Variants in ELSPBP1 observed in about 807,000 individuals in gnomAD.
ELSPBP1 encodes the protein epididymal sperm binding protein 1.
A neutral mutation model predicts 33.3 loss-of-function variants in ELSPBP1; 38 were observed. That is an observed-to-expected ratio of 1.14 (90% CI 0.88 to 1.50). ELSPBP1 has a LOEUF of 1.50. Ranked by LOEUF, ELSPBP1 falls within the 40% of genes most tolerant of loss-of-function variation. ELSPBP1 has a pLI of 0.00. For missense variants in ELSPBP1, 267 were observed against 263.5 expected (o/e 1.01, Z -0.09); for synonymous variants, 85 against 94.1 (o/e 0.90, Z 0.56).
intron 1 of ELSPBP1, among the ~76,000 whole-genome samples, chr19:48,008,067 T>C (rs894396427): frequency 6.6e-6 from 1 of 152,168 alleles, no homozygotes; most frequent in African/African-American, 2.4e-5. Flanking sequence ...GTGAGCATCA[T>C]AGAGTGTACT....
chr19:48,010,206 G>A (rs1225344606), intron 2 of ELSPBP1, among the ~76,000 whole-genome samples: 1 of 152,112 alleles, frequency 6.6e-6, no homozygotes, highest in Non-Finnish European at 1.5e-5. Context: ...GAGAAGTTCT[G>A]GGTTCTCAAA....
chr19:48,020,206 C>A (rs1967184984), intron 5 of ELSPBP1, among the ~76,000 whole-genome samples: 1 of 152,036 alleles, frequency 6.6e-6, no homozygotes, highest in African/African-American at 2.4e-5. Flanking sequence ...AATCCCAGAA[C>A]TTTGGGAGGC....
chr19:48,022,119 C>G, intron 5 of ELSPBP1, 51 bp from the exon 6 acceptor site: 1 of 1,553,242 alleles, frequency 6.4e-7, no homozygotes, highest in Non-Finnish European at 8.7e-7. Context: ...GCCTCTACGA[C>G]AGTGTGAAGC....
intron 2 of ELSPBP1, among the ~76,000 whole-genome samples, chr19:48,010,689 A>G (rs1216715767): frequency 1.3e-5 from 2 of 151,782 alleles, no homozygotes; most frequent in Admixed American, 1.3e-4. Context: ...CATTCAGGAC[A>G]GGGTGAAGGG....
intron 2 of ELSPBP1, among the ~76,000 whole-genome samples, chr19:48,009,156 C>A (rs1440047312): frequency 2.1e-5 from 3 of 141,056 alleles, no homozygotes; most frequent in Non-Finnish European, 3.1e-5. Context: ...AAAAAAAAAT[C>A]TCAGAAGACC....
intron 5 of ELSPBP1, 63 bp from the exon 6 acceptor site, chr19:48,022,107 A>G: frequency 2.7e-6 from 4 of 1,490,208 alleles, no homozygotes; most frequent in Non-Finnish European, 3.6e-6. Context: ...CCTGAAGCCC[A>G]CGCCTCTACG....
intron 2 of ELSPBP1, 53 bp from the exon 3 acceptor site, chr19:48,014,118 T>G: frequency 6.3e-7 from 1 of 1,591,738 alleles, no homozygotes; most frequent in Non-Finnish European, 8.6e-7. Context: ...ACTCATCCTT[T>G]GCTAATTCAT....
In ELSPBP1 at chr19:48,003,160, G is replaced by T. The variant is rs117921380; in HGVS notation, c.-17-5491G>T. Among the ~76,000 whole-genome samples the T allele has an allele frequency of 4.7e-3, 715 of 152,270 alleles. 3 individuals carry two copies. Among genetic ancestry groups the T allele is most frequent in the Non-Finnish European group, 8.0e-3 (545 of 68,024 alleles). On this transcript the variant is annotated intron_variant, in intron 1 of 6. Transcript: ENST00000339841. ...GTTCCAGACGAGACATGGGTGTCTGGCTATTAGGGCTTGTTTTACAGTTGA... is the reference window on the plus strand; with the variant it reads ...GTTCCAGACGAGACATGGGTGTCTGTCTATTAGGGCTTGTTTTACAGTTGA...
At chr19:48,015,317 G>A (rs1025676455) in intron 3 of ELSPBP1, among the ~76,000 whole-genome samples, 9 of 152,012 alleles carry the variant, frequency 5.9e-5, no homozygotes, top group Non-Finnish European at 1.2e-4. Flanking sequence ...GAGGTGGAAG[G>A]GGAGGCAGGA....
chr19:48,017,852 ACAT>A (rs1568407913), intron 4 of ELSPBP1, among the ~76,000 whole-genome samples: 1 of 147,702 alleles, frequency 6.8e-6, no homozygotes, highest in Non-Finnish European at 1.5e-5. Flanking sequence ...AGCTATGATC[ACAT>A]CATGGCATTC....
chr19:48,012,355 C>T (rs62129075), intron 2 of ELSPBP1, among the ~76,000 whole-genome samples: 14,509 of 151,858 alleles, frequency 0.096, 861 homozygotes, highest in South Asian at 0.2. Context: ...GGTCTTGAAG[C>T]GATCCGCCCA....
intron 2 of ELSPBP1, 31 bp from the exon 3 acceptor site, chr19:48,014,140 C>A: frequency 6.2e-7 from 1 of 1,606,452 alleles, no homozygotes; most frequent in Non-Finnish European, 8.5e-7. Context: ...GTGATTCTTC[C>A]CCACTCCTGT....
At chr19:48,019,013 G>A (rs948751266) in intron 4 of ELSPBP1, among the ~76,000 whole-genome samples, 2 of 152,036 alleles carry the variant, frequency 1.3e-5, no homozygotes, top group African/African-American at 2.4e-5. Context: ...AATTAGCGAC[G>A]CATGGTGGTG....
chr19:48,010,517 A>AGTT (rs1184387359), intron 2 of ELSPBP1, among the ~76,000 whole-genome samples: 2 of 152,190 alleles, frequency 1.3e-5, no homozygotes, highest in Non-Finnish European at 2.9e-5. Flanking sequence ...AGTAATCGGG[A>AGTT]GTTATAGACA....
intron 2 of ELSPBP1, among the ~76,000 whole-genome samples, chr19:48,010,144 C>T (rs1017444793): frequency 8.5e-5 from 13 of 152,106 alleles, no homozygotes; most frequent in African/African-American, 2.9e-4. Flanking sequence ...AAACTGATTT[C>T]GGTGAACACA....
chr19:48,016,576 A>C (rs1007667339), intron 4 of ELSPBP1, among the ~76,000 whole-genome samples: 15 of 94,154 alleles, frequency 1.6e-4, no homozygotes, highest in East Asian at 2.9e-4. Flanking sequence ...TCCTCCCTTC[A>C]TCTCTCTCTT....
At chr19:48,003,563 G>A (rs1381711528) in intron 1 of ELSPBP1, among the ~76,000 whole-genome samples, 1 of 146,088 alleles carries the variant, frequency 6.8e-6, no homozygotes. Flanking sequence ...TTTTGATGGA[G>A]TCTTGCTCTG....
rs914435138 is a variant in ELSPBP1, at chr19:48,008,695, G to C, written c.28G>C (p.Gly10Arg). The change falls in exon 2 of 7, where the codon GGA becomes CGA. Residue 10 changes from glycine (G) to arginine (R), a missense_variant. Gly to Arg is a moderately radical substitution (Grantham distance 125). Coordinates refer to ENST00000339841, the MANE Select transcript of ELSPBP1 (RefSeq NM_022142.5). MTRWSSYLL[G>R]WTTFLLYSYE... Reference sequence around the variant, plus strand: ...GACCCGATGGTCCAGTTACCTGTTGGGATGGACAACCTTCCTTCTCTATTC... The same window carrying C: ...GACCCGATGGTCCAGTTACCTGTTGCGATGGACAACCTTCCTTCTCTATTC... The C allele has an allele frequency of 6.2e-7, 1 of 1,613,926 alleles. No individual in the cohort carries two copies. The highest frequency in any genetic ancestry group is 1.7e-5 in the Admixed American group (1 of 60,000).
intron 4 of ELSPBP1, 117 bp downstream of exon 4, chr19:48,016,156 A>G (rs1175348602): frequency 4.0e-6 from 5 of 1,239,626 alleles, no homozygotes; most frequent in Middle Eastern, 5.8e-4. Flanking sequence ...AAGTACTTAC[A>G]GGAGCCAAGT....
Sources: allele counts gnomAD v4.1 joint callset (sites outside exome capture counted in the v4.1 genomes callset), GRCh38; gene constraint gnomAD v4.1.1; transcripts MANE v1.5; gene names NCBI Gene and HGNC (gene_info 2026-07-23, HGNC 2026-07-21).